Variants in PRDM1 observed in about 807,000 individuals in gnomAD.
The protein encoded by PRDM1 is PR/SET domain 1.
A neutral mutation model predicts 62.8 loss-of-function variants in PRDM1; 13 were observed. The observed-to-expected ratio is 0.21, with a 90% CI of 0.13 to 0.33. PRDM1 has a LOEUF of 0.33. Ranked by LOEUF, PRDM1 falls within the 10% of genes least tolerant of loss-of-function variation. The pLI is 1.00. For synonymous variants in PRDM1, 396 were observed against 417.6 expected (o/e 0.95, Z 0.63); for missense variants, 895 against 1,058.8 (o/e 0.85, Z 2.15).
intron 1 of PRDM1, among the ~76,000 whole-genome samples, chr6:106,037,162 T>C (rs1405519025): frequency 6.6e-6 from 1 of 152,294 alleles, no homozygotes; most frequent in East Asian, 1.9e-4. Flanking sequence ...GATATAGGAT[T>C]CTTGGCTGAG....
At position 106,106,784 on chromosome 6, in the gene PRDM1, A is replaced by G. The variant is rs1269894843; in HGVS notation, c.1903-127A>G. 2.1e-5 allele frequency: 23 copies of G among 1,114,868 alleles called. No individual in the cohort carries two copies. In the East Asian group the frequency reaches 4.8e-4, roughly 23 times the overall value. 69.1% of individuals were successfully genotyped at this position (1,114,868 alleles called of 1,614,324 possible). A position where few individuals can be genotyped will look rare whatever the true frequency, so the allele number is the denominator to read the frequency against. ...TGCTTAATACCACACTGGAGGTGCC[A>G]CAAGGAGGCTTCTCACCTCCTAGGT... On this transcript the variant is annotated intron_variant, in intron 6 of 6. Coordinates refer to ENST00000369096, the MANE Select transcript of PRDM1 (RefSeq NM_001198.4). The surrounding 1 kb of genome is among the most constrained non-coding windows in gnomAD (Gnocchi z 4.4).
chr6:106,081,172 C>T (rs1474461263), intron 1 of PRDM1, among the ~76,000 whole-genome samples: 1 of 152,238 alleles, frequency 6.6e-6, no homozygotes, highest in East Asian at 1.9e-4. Flanking sequence ...GAAGGACAGT[C>T]ATGCCTTCTT....
rs2114617866 is a variant in PRDM1 at position 106,088,334 on chromosome 6, C to T, written c.176C>T (p.Thr59Ile). Residue 59 changes from threonine to isoleucine, a missense_variant, in exon 2 of 7, where the codon ACA becomes ATA. Transcript: ENST00000369096. ...GAGGCTGAGTTTGAAGAGAAGTGTACATACATTGTGAACGACCACCCCTGG... is the reference window on the plus strand; with the variant it reads ...GAGGCTGAGTTTGAAGAGAAGTGTATATACATTGTGAACGACCACCCCTGG... ...WTEAEFEEKC[T>I]YIVNDHPWDS... 1.2e-6 allele frequency: 2 copies of T among 1,614,124 alleles called. No homozygotes were observed. Among genetic ancestry groups the T allele is most frequent in the Non-Finnish European group, 1.7e-6 (2 of 1,180,030 alleles).
At chr6:106,056,500 C>T (rs147841737) in intron 1 of PRDM1, among the ~76,000 whole-genome samples, 9 of 152,298 alleles carry the variant, frequency 5.9e-5, no homozygotes, top group African/African-American at 2.2e-4. Flanking sequence ...ACTTTAATGC[C>T]TTCAGACCCA....
chr6:105,997,111 G>A (rs1296358204), intron 1 of PRDM1, among the ~76,000 whole-genome samples: 1 of 152,224 alleles, frequency 6.6e-6, no homozygotes, highest in Non-Finnish European at 1.5e-5. Context: ...AGCACATACT[G>A]TAAGGACAGG....
At chr6:106,085,847 CT>C (rs1265509819), upstream of PRDM1, among the ~76,000 whole-genome samples, 1 of 126,514 alleles carries the variant, frequency 7.9e-6, no homozygotes, top group Non-Finnish European at 1.6e-5. Flanking sequence ...AATGTTACAA[CT>C]TTTGGGGCGG....
At chr6:106,025,326 A>G (rs1009910997) in intron 1 of PRDM1, among the ~76,000 whole-genome samples, 1 of 152,258 alleles carries the variant, frequency 6.6e-6, no homozygotes, top group South Asian at 2.1e-4. Context: ...TTTATGCCAT[A>G]TGCTTGACAT....
chr6:106,086,434 G>A lies in PRDM1; in HGVS notation c.-120G>A. On this transcript the variant is annotated 5_prime_UTR_variant, in exon 1 of 7. Transcript: ENST00000369096. ...CTGTCCGCCCGGAGCTGGGACGCGG[G>A]CGCCCGGGCGGCCGGACGAAGCGAG... is the stretch of plus-strand genomic sequence containing the variant. 1 of 906,368 alleles carries A rather than the reference G, an allele frequency of 1.1e-6. No individual in the cohort carries two copies. The highest frequency in any genetic ancestry group is 1.6e-5 in the South Asian group (1 of 61,420). 56.1% of individuals were successfully genotyped at this position (906,368 alleles called of 1,614,324 possible).
chr6:106,081,204 G>GTT (rs1197690208), intron 1 of PRDM1, among the ~76,000 whole-genome samples: 3 of 152,178 alleles, frequency 2.0e-5, no homozygotes, highest in Non-Finnish European at 4.4e-5. Context: ...CACGAATTTG[G>GTT]TTTAGGCGGG....
At chr6:106,009,762 G>A (rs1772523631) in intron 1 of PRDM1, among the ~76,000 whole-genome samples, 1 of 152,064 alleles carries the variant, frequency 6.6e-6, no homozygotes, top group African/African-American at 2.4e-5. Flanking sequence ...CCATTGCCCA[G>A]GCTGGAGTGC....
chr6:106,098,219 G>C, intron 3 of PRDM1: 2 of 985,178 alleles, frequency 2.0e-6, no homozygotes, highest in Non-Finnish European at 2.4e-6. Context: ...ACTAGGTATT[G>C]ACTGATTGTA....
At chr6:106,098,676 G>A in intron 3 of PRDM1, 1 of 1,358,508 alleles carries the variant, frequency 7.4e-7, no homozygotes, top group South Asian at 1.2e-5. Flanking sequence ...GCTTTGTTAT[G>A]GCAGGTGAAG....
In PRDM1 at chr6:106,099,532, A is replaced by G. The variant is rs745753680; in HGVS notation, c.644A>G (p.Glu215Gly). 7.4e-6 allele frequency: 12 copies of G among 1,614,172 alleles called. No homozygotes were observed. In the Admixed American group the frequency reaches 1.8e-4, roughly 25 times the overall value. ...AERLHYPYPG[E>G]LTMMNLTQTQ... ...AGGCTTCACTACCCTTATCCCGGAG[A>G]GCTGACAATGATGAATCTCAGTAAG... Residue 215 changes from glutamate to glycine, a missense_variant, in exon 4 of 7, where the codon GAG (glutamate) becomes GGG (glycine). By Grantham distance (98) the Glu-to-Gly change is moderately conservative (BLOSUM62 -2). Coordinates refer to ENST00000369096, the MANE Select transcript of PRDM1 (RefSeq NM_001198.4).
At chr6:106,046,053 A>G (rs953428289), upstream of PRDM1, 1 of 152,126 alleles carries the variant, frequency 6.6e-6, no homozygotes, top group East Asian at 1.9e-4. Context: ...AAATGAAAGT[A>G]TTAGTCCTGA....
chr6:106,105,988 A>T, intron 5 of PRDM1, 55 bp downstream of exon 5: 1 of 1,554,734 alleles, frequency 6.4e-7, no homozygotes, highest in South Asian at 1.2e-5. Context: ...TTGTGTTTGT[A>T]TTTAGCTTGC....
intron 1 of PRDM1, among the ~76,000 whole-genome samples, chr6:106,055,534 A>G (rs1773250156): frequency 6.6e-6 from 1 of 152,214 alleles, no homozygotes. Context: ...GGAAAAAAGA[A>G]TGGAGTATGT....
rs528967087 is a variant in PRDM1, at chr6:106,099,640, G to A, written c.664+88G>A. The A allele has an allele frequency of 1.1e-4, 174 of 1,522,844 alleles. No individual in the cohort carries two copies. In the African/African-American group the frequency reaches 2.1e-3, roughly 18 times the overall value. 94.3% of individuals were successfully genotyped at this position (1,522,844 alleles called of 1,614,324 possible). ...CTAATAACATGTTGTTTAATTATAC[G>A]GCTTTGTCATGTGTTGGATGAAGTA... On this transcript the variant is annotated intron_variant, in intron 4 of 6. Transcript: ENST00000369096.
At chr6:106,077,251 G>T (rs948925924) in intron 1 of PRDM1, among the ~76,000 whole-genome samples, 1 of 152,084 alleles carries the variant, frequency 6.6e-6, no homozygotes, top group Non-Finnish European at 1.5e-5. Context: ...TGATTCATTC[G>T]GCACACATTA....
At chr6:106,092,157 A>G (rs1773982683) in intron 2 of PRDM1, among the ~76,000 whole-genome samples, 1 of 147,824 alleles carries the variant, frequency 6.8e-6, no homozygotes, top group Admixed American at 6.8e-5. Context: ...ACAAACCTAT[A>G]TTGTCCTTGT....
Sources: allele counts gnomAD v4.1 joint callset (sites outside exome capture counted in the v4.1 genomes callset), GRCh38; gene constraint gnomAD v4.1.1; non-coding constraint Gnocchi (gnomAD v3.1); transcripts MANE v1.5; gene names NCBI Gene and HGNC (gene_info 2026-07-23, HGNC 2026-07-21).